Variants in BICD2 observed in about 807,000 individuals in gnomAD.
BICD2 encodes BICD cargo adaptor 2, also known as protein bicaudal D homolog 2.
Under a neutral mutation model 72.9 loss-of-function variants are expected in BICD2, and 25 were observed. The observed-to-expected ratio is 0.34, with a 90% CI of 0.25 to 0.48. The LOEUF is 0.48. Ranked by LOEUF, BICD2 falls within the 20% of genes least tolerant of loss-of-function variation. The probability of loss-of-function intolerance (pLI) is 0.99; values close to 1 mark genes in which losing one functional copy is unlikely to be tolerated. For missense variants in BICD2, 894 were observed against 1,175.2 expected, an observed-to-expected ratio of 0.76 and a Z score of 3.50; for synonymous variants, 501 against 516.1, an observed-to-expected ratio of 0.97 and a Z score of 0.40.
At chr9:92,737,834 T>C (rs1009614712) in intron 1 of BICD2, among the ~76,000 whole-genome samples, 1 of 152,132 alleles carries the variant, frequency 6.6e-6, no homozygotes, top group Non-Finnish European at 1.5e-5. Flanking sequence ...TGGCAGGTGA[T>C]CAGAGCCTGG....
At chr9:92,719,645 C>G in intron 4 of BICD2, 63 bp from the exon 5 acceptor site, 1 of 1,473,622 alleles carries the variant, frequency 6.8e-7, no homozygotes, top group Admixed American at 2.2e-5. Context: ...GCTTGGAGGA[C>G]CCCCAAGATG....
chr9:92,729,242 T>A lies in BICD2; in HGVS notation c.241-6A>T. ...GTGTGTGCTTGTCCAAAGGCCTGCA[T>A]CAGAAGACAAGACACTCGTGAGGTG... On this transcript the variant is annotated splice_polypyrimidine_tract_variant and splice_region_variant and intron_variant, in intron 1 of 6. Transcript: ENST00000356884. The A allele has an allele frequency of 6.2e-7, 1 of 1,613,872 alleles. No homozygotes were observed.
chr9:92,716,274 G>A (rs7869603), intron 6 of BICD2, among the ~76,000 whole-genome samples: 1 of 152,068 alleles, frequency 6.6e-6, no homozygotes, highest in Admixed American at 6.5e-5. Context: ...AGGGCACACA[G>A]AGCTGTGATC....
chr9:92,720,525 C>T lies in BICD2; in HGVS notation c.837G>A (p.Ser279=), dbSNP rs141444039. The T allele has an allele frequency of 4.3e-5, 69 of 1,614,092 alleles. No individual in the cohort carries two copies. The highest frequency in any genetic ancestry group is 1.6e-4 in the Middle Eastern group (1 of 6,084). The change falls in exon 4 of 7, where the codon TCG becomes TCA. Residue 279 remains serine (S), a synonymous_variant. Coordinates refer to ENST00000356884, the MANE Select transcript of BICD2 (RefSeq NM_001003800.2). This position sits in a 1 kb window ranked among gnomAD's most constrained non-coding sequence, Gnocchi z 5.4. ...DSFYTSHLHV[S]LDGLKFSDDA... ...CGTCACTGAACTTGAGGCCATCCAGCGAGACATGCAGGTGGCTGGTGTAGA... is the reference window on the plus strand; with the variant it reads ...CGTCACTGAACTTGAGGCCATCCAGTGAGACATGCAGGTGGCTGGTGTAGA...
At chr9:92,736,208 G>T (rs143552379) in intron 1 of BICD2, among the ~76,000 whole-genome samples, 144 of 152,292 alleles carry the variant, frequency 9.5e-4, no homozygotes, top group Middle Eastern at 3.4e-3. Flanking sequence ...GATAAAACAG[G>T]TTGCAGTAAT....
chr9:92,751,300 G>A (rs894042041), intron 1 of BICD2, among the ~76,000 whole-genome samples: 1 of 151,852 alleles, frequency 6.6e-6, no homozygotes, highest in South Asian at 2.1e-4. Context: ...GCAGACACCT[G>A]GGACCACGCC....
chr9:92,760,066 G>A (rs1298976122), intron 1 of BICD2, among the ~76,000 whole-genome samples: 1 of 152,170 alleles, frequency 6.6e-6, no homozygotes, highest in Middle Eastern at 3.2e-3. Context: ...TCACGGCCCA[G>A]ACAGGCAGCG....
At position 92,715,030 on chromosome 9, in the gene BICD2, C is replaced by T. The variant is rs555349964; in HGVS notation, c.*124G>A. On this transcript the variant is annotated 3_prime_UTR_variant, in exon 7 of 7. Transcript: ENST00000356884. ...GCTGATGCAACGCCCCATGGCGCCT[C>T]GGCTAGACTCCTACCCTCTGTGCAT... 69 of 1,437,458 alleles carry T rather than the reference C, an allele frequency of 4.8e-5. No individual in the cohort carries two copies. In the African/African-American group the frequency reaches 4.9e-4, roughly 10 times the overall value. 89.0% of individuals were successfully genotyped at this position (1,437,458 alleles called of 1,614,324 possible). A position where few individuals can be genotyped will look rare whatever the true frequency, so the allele number is the denominator to read the frequency against.
chr9:92,742,283 T>C (rs900304138), intron 1 of BICD2, among the ~76,000 whole-genome samples: 3 of 152,052 alleles, frequency 2.0e-5, no homozygotes, highest in African/African-American at 7.2e-5. Flanking sequence ...AAAGACATAA[T>C]CCACGTCATA....
At chr9:92,733,504 T>TTCCA (rs1035014164) in intron 1 of BICD2, among the ~76,000 whole-genome samples, 15 of 151,248 alleles carry the variant, frequency 9.9e-5, no homozygotes, top group African/African-American at 3.7e-4. Context: ...CGCCACTGTA[T>TTCCA]TCCAACCTGG....
In BICD2 at chr9:92,729,255, C is replaced by T. The variant is rs1853632206; in HGVS notation, c.241-19G>A. The T allele has an allele frequency of 1.9e-6, 3 of 1,613,022 alleles. No individual in the cohort carries two copies. Among genetic ancestry groups the T allele is most frequent in the Middle Eastern group, 1.6e-4 (1 of 6,082 alleles). The stretch of plus-strand genomic sequence containing the variant: ...CAAAGGCCTGCATCAGAAGACAAGA[C>T]ACTCGTGAGGTGGGCCTCCCAGGGG... On this transcript the variant is annotated intron_variant, in intron 1 of 6. Transcript: ENST00000356884.
chr9:92,732,004 C>G (rs899615172), intron 1 of BICD2, among the ~76,000 whole-genome samples: 7 of 152,302 alleles, frequency 4.6e-5, no homozygotes, highest in South Asian at 2.1e-4. Context: ...AGTCACTTAA[C>G]TACATCCCAG....
intron 1 of BICD2, among the ~76,000 whole-genome samples, chr9:92,763,059 A>G (rs2131541240): frequency 6.6e-6 from 1 of 152,292 alleles, no homozygotes; most frequent in Non-Finnish European, 1.5e-5. Context: ...TGGAGCATGC[A>G]TTGCAGAAGG....
At chr9:92,750,771 T>C (rs192927606) in intron 1 of BICD2, among the ~76,000 whole-genome samples, 26 of 152,322 alleles carry the variant, frequency 1.7e-4, no homozygotes, top group Admixed American at 1.1e-3. Context: ...ATGTGAATTG[T>C]TTTAAAAATT....
At chr9:92,740,130 T>TG (rs1175656436) in intron 1 of BICD2, among the ~76,000 whole-genome samples, 1 of 151,890 alleles carries the variant, frequency 6.6e-6, no homozygotes, top group Non-Finnish European at 1.5e-5. Context: ...GAGAGAGAGA[T>TG]GGGGGGCTCT....
chr9:92,727,799 G>A (rs906912262), intron 2 of BICD2, among the ~76,000 whole-genome samples: 3 of 152,098 alleles, frequency 2.0e-5, no homozygotes, highest in African/African-American at 7.2e-5. Flanking sequence ...CTCCTTCAGG[G>A]CCCCACCCAG....
At chr9:92,716,105 G>A (rs2131497036) in intron 6 of BICD2, among the ~76,000 whole-genome samples, 1 of 152,212 alleles carries the variant, frequency 6.6e-6, no homozygotes, top group Admixed American at 6.5e-5. Context: ...TAGAGACAAA[G>A]GGCGGGTTAA....
chr9:92,715,713 G>A (rs376066906), intron 6 of BICD2, among the ~76,000 whole-genome samples: 35 of 152,328 alleles, frequency 2.3e-4, no homozygotes, highest in African/African-American at 7.7e-4. Flanking sequence ...CTATGAGGCT[G>A]GCTTGAGTTT....
chr9:92,750,489 T>C (rs1244128411), intron 1 of BICD2, among the ~76,000 whole-genome samples: 3 of 151,634 alleles, frequency 2.0e-5, no homozygotes, highest in African/African-American at 7.3e-5. Flanking sequence ...TGAAAAAACA[T>C]GGATAAATCT....
Sources: gnomAD v4.1 joint callset for allele counts (sites outside exome capture counted in the v4.1 genomes callset) on GRCh38, gnomAD v4.1.1 for gene constraint, Gnocchi (gnomAD v3.1) non-coding constraint, MANE v1.5 for transcripts, NCBI Gene and HGNC (gene_info 2026-07-23, HGNC 2026-07-21) for gene names.